Variants in TMX4 observed in about 807,000 individuals in gnomAD.
The protein encoded by TMX4 is thioredoxin-related transmembrane protein 4.
In TMX4, 23 loss-of-function variants were observed where a neutral mutation model predicts 33.3. The observed-to-expected ratio is 0.69, with a 90% confidence interval of 0.50 to 0.98. TMX4 has a LOEUF of 0.98. Ranked by LOEUF, TMX4 falls within the 50% of genes least tolerant of loss-of-function variation. The pLI is 0.00. For missense variants in TMX4, 399 were observed against 448.9 expected, an observed-to-expected ratio of 0.89 and a Z score of 1.01; for synonymous variants, 164 against 161.5, an observed-to-expected ratio of 1.02 and a Z score of -0.12.
At chr20:8,004,941 T>G (rs115471938) in intron 2 of TMX4, among the ~76,000 whole-genome samples, 1,636 of 152,282 alleles carry the variant, frequency 0.011, 19 homozygotes, top group Middle Eastern at 0.027. Context: ...TTACTAAATG[T>G]TGTTATTATC....
In TMX4 at chr20:7,987,309, A is replaced by T. The variant is rs1251975454; in HGVS notation, c.594T>A (p.Val198=). The change falls in exon 6 of 8, where the codon GTT becomes GTA. Residue 198 remains valine (V), a synonymous_variant. Transcript: ENST00000246024. ...SYVFFVIATL[V]FGLFMGLVLV... Reference sequence around the variant, plus strand: ...TTACCAGACCCATAAAAAGGCCAAAAACCAAGGTGGCTATGACGAAAAAGA... The same window carrying T: ...TTACCAGACCCATAAAAAGGCCAAATACCAAGGTGGCTATGACGAAAAAGA... 3.1e-6 allele frequency: 5 copies of T among 1,594,006 alleles called. No homozygotes were observed. In the African/African-American group the frequency reaches 4.1e-5, roughly 13 times the overall value.
rs1044709274 is a variant in TMX4, at chr20:8,019,587, C to G, written c.27G>C (p.Gln9His). The G allele has an allele frequency of 5.1e-6, 7 of 1,369,412 alleles. No homozygotes were observed. The Admixed American group carries it at 2.0e-4, about 40-fold the overall frequency. The allele number at this position is 1,369,412 out of a possible 1,614,324, so 84.8% of individuals were successfully genotyped here. ...TCCAGGCGGCCAGGAGCGCCGTTAG[C>G]TGCGGGCCGCAGCGCCCACCCGCCA... MAGGRCGP[Q>H]LTALLAAWIA... Residue 9 changes from glutamine to histidine, a missense_variant, in exon 1 of 8, where the codon CAG (glutamine) becomes CAC (histidine). Transcript: ENST00000246024.
Position 7,982,201 on chromosome 20 carries a change from G to T in TMX4, c.*50C>A, listed in dbSNP as rs199934346. The stretch of plus-strand genomic sequence containing the variant: ...TTTGGTACAAACTGCAGGCCAAAGG[G>T]AAGCTGACATATTGTTTTGGTGTGT... On this transcript the variant is annotated 3_prime_UTR_variant, in exon 8 of 8. Transcript: ENST00000246024. The T allele has an allele frequency of 5.7e-5, 89 of 1,555,430 alleles. No homozygotes were observed. The highest frequency in any genetic ancestry group is 1.8e-4 in the Middle Eastern group (1 of 5,644).
intron 6 of TMX4, among the ~76,000 whole-genome samples, chr20:7,985,898 T>TA (rs1292987141): frequency 6.6e-6 from 1 of 152,162 alleles, no homozygotes; most frequent in Non-Finnish European, 1.5e-5. Flanking sequence ...TTCATGGACT[T>TA]AAAGTCAACA....
intron 5 of TMX4, among the ~76,000 whole-genome samples, chr20:7,995,320 G>A (rs142073574): frequency 6.6e-6 from 1 of 152,140 alleles, no homozygotes; most frequent in African/African-American, 2.4e-5. Flanking sequence ...GTTCAATCTG[G>A]TTGGATTTAG....
At position 7,982,048 on chromosome 20, in the gene TMX4, GT is replaced by G; in HGVS notation, c.*202del. The G allele has an allele frequency of 1.7e-6, 1 of 581,802 alleles. No individual in the cohort carries two copies. The highest frequency in any genetic ancestry group is 3.0e-6 in the Non-Finnish European group (1 of 334,718). 36.0% of individuals were successfully genotyped at this position (581,802 alleles called of 1,614,324 possible). ...CCAAACAGATCCCAACACTACGTTT[GT>G]TTTTCTATATCCTGATTGTCACACC... On this transcript the variant is annotated 3_prime_UTR_variant, in exon 8 of 8. Coordinates refer to ENST00000246024, the MANE Select transcript of TMX4 (RefSeq NM_021156.4).
Position 8,019,561 on chromosome 20 carries a change from A to C in TMX4, c.53T>G (p.Ile18Ser), listed in dbSNP as rs2050803157. ...GCCTGCCGTCGCCGCCACAGCCGCG[A>C]TCCAGGCGGCCAGGAGCGCCGTTAG... ...PQLTALLAAW[I>S]AAVAATAGPE... The change falls in exon 1 of 8, where the codon ATC becomes AGC. Residue 18 changes from isoleucine (I) to serine (S), a missense_variant. Coordinates refer to ENST00000246024, the MANE Select transcript of TMX4 (RefSeq NM_021156.4). 2.1e-6 allele frequency: 3 copies of C among 1,433,408 alleles called. No homozygotes were observed. Among genetic ancestry groups the C allele is most frequent in the Non-Finnish European group, 2.7e-6 (3 of 1,094,072 alleles). 88.8% of individuals were successfully genotyped at this position (1,433,408 alleles called of 1,614,324 possible).
chr20:7,989,266 G>T (rs946727456), intron 5 of TMX4, among the ~76,000 whole-genome samples: 1 of 152,024 alleles, frequency 6.6e-6, no homozygotes, highest in African/African-American at 2.4e-5. Flanking sequence ...ATCTGCCTCT[G>T]TGTCAACCCA....
chr20:8,012,695 T>C (rs1389955672), intron 1 of TMX4, among the ~76,000 whole-genome samples: 6 of 152,180 alleles, frequency 3.9e-5, no homozygotes. Flanking sequence ...TCAGTAATTA[T>C]GTTTCATAAT....
intron 1 of TMX4, among the ~76,000 whole-genome samples, chr20:8,014,458 A>G (rs2050764507): frequency 6.6e-6 from 1 of 152,250 alleles, no homozygotes; most frequent in African/African-American, 2.4e-5. Context: ...GTCACAAAGT[A>G]TTTTTTGAAC....
At chr20:8,009,311 T>C (rs1275499761) in intron 2 of TMX4, among the ~76,000 whole-genome samples, 1 of 152,122 alleles carries the variant, frequency 6.6e-6, no homozygotes, top group African/African-American at 2.4e-5. Flanking sequence ...TTCATTCTTG[T>C]GAAAACTTAT....
intron 2 of TMX4, among the ~76,000 whole-genome samples, chr20:8,004,855 G>C (rs2050721900): frequency 6.6e-6 from 1 of 152,138 alleles, no homozygotes; most frequent in Non-Finnish European, 1.5e-5. Context: ...GAGATAAACA[G>C]TTTGTTCTTC....
intron 5 of TMX4, among the ~76,000 whole-genome samples, chr20:7,992,311 A>G (rs2050658534): frequency 6.6e-6 from 1 of 152,164 alleles, no homozygotes; most frequent in Non-Finnish European, 1.5e-5. Context: ...ATTTGTGAGG[A>G]TAGATATTAA....
chr20:8,018,203 A>G (rs2050784338), intron 1 of TMX4, among the ~76,000 whole-genome samples: 1 of 120,302 alleles, frequency 8.3e-6, no homozygotes. Context: ...TAGTATACAG[A>G]TTGCCAGAAA....
At chr20:8,016,144 C>T (rs781683855) in intron 1 of TMX4, among the ~76,000 whole-genome samples, 1 of 152,118 alleles carries the variant, frequency 6.6e-6, no homozygotes, top group Non-Finnish European at 1.5e-5. Flanking sequence ...AAAACAATGG[C>T]AATAGAGAAA....
intron 1 of TMX4, among the ~76,000 whole-genome samples, chr20:8,018,474 GGGAGGGGGA>G (rs2050791439): frequency 2.0e-5 from 1 of 50,098 alleles, no homozygotes; most frequent in Non-Finnish European, 3.5e-5. Context: ...GAGGGAGGGA[GGGAGGGGGA>G]GAGAGAGAGA....
chr20:7,988,696 T>A (rs1568534093), intron 5 of TMX4, among the ~76,000 whole-genome samples: 2 of 152,192 alleles, frequency 1.3e-5, no homozygotes, highest in Non-Finnish European at 2.9e-5. Context: ...ATGGCACTGG[T>A]CATCAGTGTG....
rs1391584900 is a variant in TMX4 at position 7,983,997 on chromosome 20, G to A, written c.616-140C>T. On this transcript the variant is annotated intron_variant, in intron 6 of 7. Coordinates refer to ENST00000246024, the MANE Select transcript of TMX4 (RefSeq NM_021156.4). ...AGTCAAAAGTCTTCACAAGAGACAA[G>A]GATATAATTAAGAATTTCCTACTTT... The A allele has an allele frequency of 4.7e-5, 28 of 594,446 alleles. No individual in the cohort carries two copies. The East Asian group carries it at 7.8e-4, about 17-fold the overall frequency. 36.8% of individuals were successfully genotyped at this position (594,446 alleles called of 1,614,324 possible). A position where few individuals can be genotyped will look rare whatever the true frequency, so the allele number is the denominator to read the frequency against.
intron 1 of TMX4, chr20:8,014,078 T>C (rs1164135940): frequency 6.6e-5 from 10 of 152,230 alleles, no homozygotes; most frequent in Admixed American, 6.5e-4. Flanking sequence ...GACCCATGAA[T>C]TGAAAGCCTT....
Sources: gnomAD v4.1 joint callset for allele counts (sites outside exome capture counted in the v4.1 genomes callset) on GRCh38, gnomAD v4.1.1 for gene constraint, MANE v1.5 for transcripts, NCBI Gene and HGNC (gene_info 2026-07-23, HGNC 2026-07-21) for gene names.